The following ADAMTSL3 variants were observed in gnomAD, a reference collection of about 807,000 sequenced individuals.
The protein encoded by ADAMTSL3 is ADAMTS-like protein 3.
Under a neutral mutation model 201.7 loss-of-function variants are expected in ADAMTSL3, and 128 were observed. The ratio of observed to expected loss-of-function variants is 0.63; its 90% CI spans 0.55 to 0.73. The LOEUF (loss-of-function observed/expected upper bound fraction) is 0.73. ADAMTSL3 is among the 30% of genes least tolerant of loss of function. The pLI is 0.00. For missense variants in ADAMTSL3, 1,990 were observed against 2,119.6 expected (o/e 0.94, Z 1.20); for synonymous variants, 738 against 748.4 (o/e 0.99, Z 0.23).
Position 83,823,483 on chromosome 15 carries a change from C to CT in ADAMTSL3, c.600+3439dup, listed in dbSNP as rs1336112012. ...TGGCTTCTAGTTGCTTATCCCAAAA[C>CT]TTTGACATCATTCTTGCTTTTCTTT... On this transcript the variant is annotated intron_variant, in intron 6 of 29. Coordinates refer to ENST00000286744, the MANE Select transcript of ADAMTSL3 (RefSeq NM_207517.3). Among the ~76,000 whole-genome samples the CT allele has an allele frequency of 5.9e-5, 9 of 152,268 alleles. No homozygotes were observed. In the South Asian group the frequency reaches 1.9e-3, roughly 32 times the overall value.
intron 2 of ADAMTSL3, among the ~76,000 whole-genome samples, chr15:83,702,079 A>G (rs2061785967): frequency 6.6e-6 from 1 of 152,202 alleles, no homozygotes; most frequent in South Asian, 2.1e-4. Flanking sequence ...GAACTGGAGC[A>G]AAGGTGACTC....
chr15:83,747,489 A>T (rs2062565425), intron 3 of ADAMTSL3, among the ~76,000 whole-genome samples: 1 of 152,212 alleles, frequency 6.6e-6, no homozygotes, highest in Non-Finnish European at 1.5e-5. Context: ...TCTGTCCACA[A>T]GTGTGAGAGA....
chr15:83,820,280 G>A (rs934526725), intron 6 of ADAMTSL3, among the ~76,000 whole-genome samples: 1 of 152,124 alleles, frequency 6.6e-6, no homozygotes, highest in Non-Finnish European at 1.5e-5. Context: ...GTTTCATTAT[G>A]TTGGCCAGGC....
chr15:83,913,454 C>G lies in ADAMTSL3; in HGVS notation c.1987+76C>G, dbSNP rs112823713. The G allele has an allele frequency of 4.0e-5, 59 of 1,457,648 alleles. 1 individual carries two copies. The African/African-American group carries it at 4.9e-4, about 12-fold the overall frequency. 90.3% of individuals were successfully genotyped at this position (1,457,648 alleles called of 1,614,324 possible). On this transcript the variant is annotated intron_variant, in intron 16 of 29. Transcript: ENST00000286744. ...TTGAGAAATTACTCAATCAGGTAAG[C>G]CAAATATGCAAATTAGCAAAAGTCT... is the stretch of plus-strand genomic sequence containing the variant.
intron 15 of ADAMTSL3, among the ~76,000 whole-genome samples, chr15:83,910,970 G>A (rs913392641): frequency 6.6e-6 from 1 of 152,018 alleles, no homozygotes; most frequent in African/African-American, 2.4e-5. Flanking sequence ...ATCTCCTCTC[G>A]AGATTCTCAA....
At chr15:83,701,546 GA>G in intron 2 of ADAMTSL3, among the ~76,000 whole-genome samples, 1 of 152,324 alleles carries the variant, frequency 6.6e-6, no homozygotes, top group East Asian at 1.9e-4. Context: ...CATGCTGTGG[GA>G]GAGACCCGGT....
At position 84,036,870 on chromosome 15, in the gene ADAMTSL3, C is replaced by T; in HGVS notation, c.4852C>T (p.Gln1618Ter). 1 of 1,614,114 alleles carries T rather than the reference C, an allele frequency of 6.2e-7. No individual in the cohort carries two copies. Among genetic ancestry groups the T allele is most frequent in the Non-Finnish European group, 8.5e-7 (1 of 1,180,012 alleles). ...PCTAACGRGF[Q>*]SRKVDCIHTR... The stretch of plus-strand genomic sequence containing the variant: ...TACAGCAGCCTGTGGCAGGGGTTTC[C>T]AGTCTCGGAAAGTCGACTGTATCCA... Residue 1618 changes from glutamine to a stop codon, truncating the protein, a stop_gained, in exon 29 of 30, where the codon CAG becomes TAG. Transcript: ENST00000286744. LOFTEE classifies it high-confidence loss of function.
intron 3 of ADAMTSL3, among the ~76,000 whole-genome samples, chr15:83,726,772 T>C (rs1317476001): frequency 6.6e-6 from 1 of 152,046 alleles, no homozygotes; most frequent in Non-Finnish European, 1.5e-5. Context: ...ATCTTTCTAA[T>C]TTATTGTTGA....
chr15:83,978,454 T>A (rs1468893535), intron 20 of ADAMTSL3, among the ~76,000 whole-genome samples: 1 of 152,202 alleles, frequency 6.6e-6, no homozygotes, highest in Non-Finnish European at 1.5e-5. Context: ...GGTGCTGCAG[T>A]TGGTACCTGG....
intron 2 of ADAMTSL3, among the ~76,000 whole-genome samples, chr15:83,658,421 T>C (rs2061120978): frequency 6.6e-6 from 1 of 152,224 alleles, no homozygotes; most frequent in African/African-American, 2.4e-5. Context: ...AAATATATTT[T>C]CTTTATTGAA....
At chr15:83,968,314 A>G (rs576065300) in intron 19 of ADAMTSL3, among the ~76,000 whole-genome samples, 2 of 152,348 alleles carry the variant, frequency 1.3e-5, no homozygotes, top group Admixed American at 1.3e-4. Flanking sequence ...AGAATCTACA[A>G]GGAACTTAAA....
chr15:83,919,168 G>A (rs1419180829), intron 16 of ADAMTSL3, among the ~76,000 whole-genome samples: 2 of 152,054 alleles, frequency 1.3e-5, no homozygotes, highest in Admixed American at 6.6e-5. Flanking sequence ...GAAGAGGAGC[G>A]GTCTGAACTG....
At chr15:83,685,132 T>C (rs2061518998) in intron 2 of ADAMTSL3, among the ~76,000 whole-genome samples, 1 of 152,176 alleles carries the variant, frequency 6.6e-6, no homozygotes, top group African/African-American at 2.4e-5. Flanking sequence ...GCGTTTGCCT[T>C]TCTACTTCTG....
intron 29 of ADAMTSL3, among the ~76,000 whole-genome samples, chr15:84,037,348 T>C (rs2068530757): frequency 6.6e-6 from 1 of 152,122 alleles, no homozygotes; most frequent in Admixed American, 6.5e-5. Flanking sequence ...GTCCTGAAGT[T>C]ATATGTAAAA....
chr15:83,820,931 GGGTGTGAT>G lies in ADAMTSL3; in HGVS notation c.600+891_600+898del. ...TCCACTAAAAATACAAAAATTAACT[GGGTGTGAT>G]GGTGTGTGCCTGTAATTCCAGCTAC... On this transcript the variant is annotated intron_variant, in intron 6 of 29. Coordinates refer to ENST00000286744, the MANE Select transcript of ADAMTSL3 (RefSeq NM_207517.3). 2.6e-5 allele frequency among the ~76,000 whole-genome samples: 4 copies of G among 152,182 alleles called. No individual in the cohort carries two copies. The South Asian group carries it at 8.3e-4, about 32-fold the overall frequency.
intron 5 of ADAMTSL3, 150 bp from the exon 6 acceptor site, chr15:83,819,661 C>CAA (rs11301352): frequency 2.3e-4 from 123 of 523,708 alleles, no homozygotes; most frequent in Middle Eastern, 9.8e-4. Context: ...AACGTTGAAT[C>CAA]AAAAAAAAAA....
chr15:83,806,007 C>T (rs897781640), intron 5 of ADAMTSL3, among the ~76,000 whole-genome samples: 1 of 152,218 alleles, frequency 6.6e-6, no homozygotes, highest in African/African-American at 2.4e-5. Context: ...CATTGCTTCA[C>T]AGTAGGAGCT....
Position 83,704,493 on chromosome 15 carries a change from T to C in ADAMTSL3, c.174T>C (p.Tyr58=), listed in dbSNP as rs2061820892. Residue 58 remains tyrosine, a synonymous_variant, in exon 3 of 30, where the codon TAT becomes TAC. Coordinates refer to ENST00000286744, the MANE Select transcript of ADAMTSL3 (RefSeq NM_207517.3). ...EDTTGEQFLT[Y]RYDDQTSRNT... is the part of the protein sequence containing the mutation. Reference sequence around the variant, plus strand: ...CAACAGGGGAGCAGTTCCTCACTTATCGCTATGATGACCAGGTAAGAACAT... The same window carrying C: ...CAACAGGGGAGCAGTTCCTCACTTACCGCTATGATGACCAGGTAAGAACAT... The C allele has an allele frequency of 3.7e-6, 6 of 1,614,212 alleles. No individual in the cohort carries two copies. Among genetic ancestry groups the C allele is most frequent in the South Asian group, 2.2e-5 (2 of 91,080 alleles).
intron 28 of ADAMTSL3, 110 bp downstream of exon 28, chr15:84,031,542 T>G (rs2068409954): frequency 1.1e-6 from 1 of 947,442 alleles, no homozygotes; most frequent in African/African-American, 1.6e-5. Flanking sequence ...CTCTCATAAT[T>G]GACAGTTTTC....
Sources: gnomAD v4.1 joint callset for allele counts (sites outside exome capture counted in the v4.1 genomes callset) on GRCh38, gnomAD v4.1.1 for gene constraint, MANE v1.5 for transcripts, NCBI Gene and HGNC (gene_info 2026-07-23, HGNC 2026-07-21) for gene names.